POU2F3: variants seen among roughly 807,000 people sequenced by gnomAD.
The protein encoded by POU2F3 is POU domain, class 2, transcription factor 3.
POU2F3 carries 23 observed loss-of-function variants against 59.2 expected under a neutral mutation model. The observed-to-expected ratio is 0.39, with a 90% CI of 0.28 to 0.55. The LOEUF (loss-of-function observed/expected upper bound fraction) is 0.55. Ranked by LOEUF, POU2F3 falls within the 20% of genes least tolerant of loss-of-function variation. The pLI is 0.66. For synonymous variants in POU2F3, 190 were observed against 214.6 expected, an observed-to-expected ratio of 0.89 and a Z score of 1.00; for missense variants, 473 against 544.5, an observed-to-expected ratio of 0.87 and a Z score of 1.31.
At chr11:120,295,075 A>G (rs904718109) in intron 3 of POU2F3, among the ~76,000 whole-genome samples, 13 of 152,180 alleles carry the variant, frequency 8.5e-5, no homozygotes, top group African/African-American at 3.1e-4. Context: ...CACGCACTTC[A>G]TTTTTACAAC....
chr11:120,279,670 T>C (rs962583747), intron 3 of POU2F3, among the ~76,000 whole-genome samples: 2 of 152,242 alleles, frequency 1.3e-5, no homozygotes, highest in Non-Finnish European at 2.9e-5. Context: ...TGCTTTGGCC[T>C]GAGGCTCAGG....
chr11:120,314,757 T>C (rs916380192), intron 10 of POU2F3, among the ~76,000 whole-genome samples: 2 of 152,126 alleles, frequency 1.3e-5, no homozygotes, highest in African/African-American at 4.8e-5. Context: ...TAAACAAAGT[T>C]ATCCCAGGTC....
rs374598157 is a variant in POU2F3 at position 120,305,617 on chromosome 11, T to C, written c.628-27T>C. 56 of 1,611,068 alleles carry C rather than the reference T, an allele frequency of 3.5e-5. No individual in the cohort carries two copies. In the African/African-American group the frequency reaches 6.1e-4, roughly 18 times the overall value. On this transcript the variant is annotated intron_variant, in intron 7 of 12. Transcript: ENST00000543440. ...CAAGAGGAGGAGGCTGCCTCTCATG[T>C]TCCTCCCCCTCGGTCCCCACGCTTA... is the stretch of plus-strand genomic sequence containing the variant.
At chr11:120,278,619 C>T (rs912661692) in intron 3 of POU2F3, among the ~76,000 whole-genome samples, 1 of 152,144 alleles carries the variant, frequency 6.6e-6, no homozygotes, top group African/African-American at 2.4e-5. Flanking sequence ...CTAAAAATGT[C>T]AGAGCAAGGG....
At chr11:120,274,032 AAG>A (rs1299107966) in intron 3 of POU2F3, among the ~76,000 whole-genome samples, 2 of 151,468 alleles carry the variant, frequency 1.3e-5, no homozygotes, top group Non-Finnish European at 2.9e-5. Flanking sequence ...AAAGAAAAAA[AAG>A]AGAGAGAGAG....
chr11:120,270,292 G>A (rs961619468), intron 3 of POU2F3, among the ~76,000 whole-genome samples: 4 of 152,062 alleles, frequency 2.6e-5, no homozygotes, highest in East Asian at 1.9e-4. Flanking sequence ...GTATAAGGAC[G>A]GGGTGGAATG....
At chr11:120,315,759 A>C (rs536416054) in intron 11 of POU2F3, among the ~76,000 whole-genome samples, 1 of 152,214 alleles carries the variant, frequency 6.6e-6, no homozygotes, top group East Asian at 1.9e-4. Flanking sequence ...AAAGCACCTA[A>C]TTATTTCAAC....
chr11:120,269,286 T>C, intron 3 of POU2F3, 42 bp downstream of exon 3: 3 of 1,517,386 alleles, frequency 2.0e-6, no homozygotes, highest in Middle Eastern at 1.8e-4. Context: ...TCTATAAAAT[T>C]TGGGCATCAC....
chr11:120,305,609 C>T (rs1165022317), intron 7 of POU2F3, 35 bp from the exon 8 acceptor site: 13 of 1,608,290 alleles, frequency 8.1e-6, no homozygotes, highest in Admixed American at 3.3e-5. Flanking sequence ...AGGAGGCTGC[C>T]TCTCATGTTC....
At chr11:120,278,525 C>A (rs1207074714) in intron 3 of POU2F3, among the ~76,000 whole-genome samples, 6 of 152,098 alleles carry the variant, frequency 3.9e-5, no homozygotes, top group African/African-American at 1.4e-4. Flanking sequence ...GGAAAAGGCG[C>A]CCCCAGAAAG....
chr11:120,296,987 C>T (rs1941209822), intron 3 of POU2F3, among the ~76,000 whole-genome samples: 1 of 152,124 alleles, frequency 6.6e-6, no homozygotes, highest in Non-Finnish European at 1.5e-5. Flanking sequence ...TTAGGTTAAA[C>T]TAACACAAAC....
At chr11:120,306,336 G>A (rs1015676380) in intron 8 of POU2F3, among the ~76,000 whole-genome samples, 5 of 152,134 alleles carry the variant, frequency 3.3e-5, no homozygotes, top group South Asian at 2.1e-4. Flanking sequence ...GGTGGTGGCC[G>A]GGAGGCAACC....
chr11:120,275,983 A>C (rs1018955316), intron 3 of POU2F3, among the ~76,000 whole-genome samples: 10 of 152,206 alleles, frequency 6.6e-5, no homozygotes, highest in Non-Finnish European at 1.3e-4. Flanking sequence ...CATCTTCTTT[A>C]AAATCAACAA....
At chr11:120,252,309 C>T (rs1186989603) in intron 2 of POU2F3, among the ~76,000 whole-genome samples, 1 of 150,152 alleles carries the variant, frequency 6.7e-6, no homozygotes, top group African/African-American at 2.5e-5. Flanking sequence ...CAGGTTTAAG[C>T]GATTCTCCTG....
At chr11:120,296,283 T>A (rs189733128) in intron 3 of POU2F3, among the ~76,000 whole-genome samples, 3 of 152,354 alleles carry the variant, frequency 2.0e-5, no homozygotes, top group Non-Finnish European at 2.9e-5. Flanking sequence ...GTTCAATTAA[T>A]GTTCTTTGGG....
chr11:120,306,958 C>T (rs1279361255), intron 8 of POU2F3, among the ~76,000 whole-genome samples: 2 of 152,242 alleles, frequency 1.3e-5, no homozygotes, highest in Non-Finnish European at 2.9e-5. Flanking sequence ...CTCCTATGGC[C>T]CCTACAGCCT....
At chr11:120,317,052 G>C in intron 11 of POU2F3, 177 bp from the exon 12 acceptor site, 1 of 684,076 alleles carries the variant, frequency 1.5e-6, no homozygotes, top group South Asian at 1.7e-5. Flanking sequence ...AGCCCCTCTG[G>C]GTGTGGGCAG....
upstream of POU2F3, among the ~76,000 whole-genome samples, chr11:120,237,646 C>G (rs902231335): frequency 6.6e-6 from 1 of 152,174 alleles, no homozygotes; most frequent in Non-Finnish European, 1.5e-5. Flanking sequence ...CCTCGGTGCA[C>G]ATGGCCATGC....
chr11:120,305,852 C>G lies in POU2F3; in HGVS notation c.769+67C>G. The G allele has an allele frequency of 2.5e-6, 4 of 1,573,316 alleles. No individual in the cohort carries two copies. In the Admixed American group the frequency reaches 7.3e-5, roughly 29 times the overall value. ...CTGCAGGGAAGGGCCAGTGACTTGT[C>G]GTGTTGGGGCTTTTGGGAGTTTGAT... On this transcript the variant is annotated intron_variant, in intron 8 of 12. Transcript: ENST00000543440.
Sources: allele counts gnomAD v4.1 joint callset (sites outside exome capture counted in the v4.1 genomes callset), GRCh38; gene constraint gnomAD v4.1.1; transcripts MANE v1.5; gene names NCBI Gene and HGNC (gene_info 2026-07-23, HGNC 2026-07-21).